The following DLC1 variants were observed in gnomAD, a reference collection of about 807,000 sequenced individuals.
The protein encoded by DLC1 is rho GTPase-activating protein 7.
In DLC1, 54 loss-of-function variants were observed where a neutral mutation model predicts 140.3. The ratio of observed to expected loss-of-function variants is 0.38; its 90% CI spans 0.31 to 0.48. The LOEUF (loss-of-function observed/expected upper bound fraction) is 0.48. Among genes scored for constraint, DLC1 ranks in the 20% least tolerant of loss-of-function variants. The pLI is 0.96. For synonymous variants in DLC1, 986 were observed against 728.1 expected, an observed-to-expected ratio of 1.35 and a Z score of -5.70; for missense variants, 2,536 against 1,907.0, an observed-to-expected ratio of 1.33 and a Z score of -6.14.
chr8:13,534,221 A>C (rs1803193113), intron 1 of DLC1, among the ~76,000 whole-genome samples: 1 of 152,160 alleles, frequency 6.6e-6, no homozygotes, highest in Non-Finnish European at 1.5e-5. Flanking sequence ...TTTCTTGAAC[A>C]ACCCAGTTCA....
At chr8:13,193,122 G>T (rs1489032831) in intron 5 of DLC1, among the ~76,000 whole-genome samples, 1 of 152,084 alleles carries the variant, frequency 6.6e-6, no homozygotes, top group Admixed American at 6.5e-5. Context: ...TCCTTATGGA[G>T]AGACCTCTCA....
At chr8:13,313,766 C>T (rs1303862612) in intron 4 of DLC1, among the ~76,000 whole-genome samples, 1 of 152,080 alleles carries the variant, frequency 6.6e-6, no homozygotes, top group Non-Finnish European at 1.5e-5. Flanking sequence ...AAATTATTTT[C>T]TGTGAGATTT....
At chr8:13,345,546 A>ATTTTTTTTTTTT (rs1490773993) in intron 4 of DLC1, among the ~76,000 whole-genome samples, 1 of 44,656 alleles carries the variant, frequency 2.2e-5, no homozygotes, top group African/African-American at 9.5e-5. Context: ...TTTCACTCAC[A>ATTTTTTTTTTTT]CTTTTTTTTT....
At chr8:13,135,068 G>A (rs1260797010) in intron 5 of DLC1, among the ~76,000 whole-genome samples, 1 of 152,132 alleles carries the variant, frequency 6.6e-6, no homozygotes, top group East Asian at 1.9e-4. Flanking sequence ...AGCCGGAGGA[G>A]CTGCCCAAGA....
At chr8:13,205,019 G>C (rs1324499389) in intron 5 of DLC1, among the ~76,000 whole-genome samples, 3 of 151,902 alleles carry the variant, frequency 2.0e-5, no homozygotes, top group Non-Finnish European at 4.4e-5. Flanking sequence ...GGCCAGTCTT[G>C]CAACATGGCA....
At chr8:13,356,034 G>A (rs1262591137) in intron 4 of DLC1, among the ~76,000 whole-genome samples, 1 of 140,242 alleles carries the variant, frequency 7.1e-6, no homozygotes, top group Non-Finnish European at 1.5e-5. Context: ...AGGTTGCAGT[G>A]AGCCGGGATC....
At chr8:13,457,554 G>A (rs1443444992) in intron 2 of DLC1, among the ~76,000 whole-genome samples, 1 of 151,728 alleles carries the variant, frequency 6.6e-6, no homozygotes, top group Non-Finnish European at 1.5e-5. Flanking sequence ...ATGTGTGCCT[G>A]TAGCCCGAGC....
At chr8:13,199,625 T>A (rs1238265337) in intron 5 of DLC1, among the ~76,000 whole-genome samples, 1 of 152,214 alleles carries the variant, frequency 6.6e-6, no homozygotes, top group African/African-American at 2.4e-5. Flanking sequence ...ATATTAAAAA[T>A]TCTTATATAA....
At chr8:13,518,968 T>C (rs1719101398), upstream of DLC1, among the ~76,000 whole-genome samples, 1 of 152,110 alleles carries the variant, frequency 6.6e-6, no homozygotes, top group African/African-American at 2.4e-5. Flanking sequence ...TTTTTAAAAA[T>C]ATATTATCAA....
At chr8:13,164,811 A>C (rs78987939) in intron 5 of DLC1, among the ~76,000 whole-genome samples, 3,187 of 152,298 alleles carry the variant, frequency 0.021, 112 homozygotes, top group African/African-American at 0.073. Context: ...ATTGTTTGTC[A>C]GCTCTGGCAA....
chr8:13,552,384 G>A (rs539478003), intron 1 of DLC1, among the ~76,000 whole-genome samples: 144 of 150,060 alleles, frequency 9.6e-4, no homozygotes, highest in Non-Finnish European at 1.7e-3. Flanking sequence ...AATTATTTAT[G>A]GACAAAGTTT....
chr8:13,567,163 G>A (rs1804468404), intron 1 of DLC1: 2 of 1,551,662 alleles, frequency 1.3e-6, no homozygotes, highest in East Asian at 4.9e-5. Flanking sequence ...ACTGGAGAGG[G>A]AAAAGCAGAC....
intron 2 of DLC1, among the ~76,000 whole-genome samples, chr8:13,448,372 T>TTC (rs1563355403): frequency 1.0e-5 from 1 of 98,236 alleles, no homozygotes; most frequent in Non-Finnish European, 2.4e-5. Context: ...TCTTCTTCTT[T>TTC]TTTTTTTTTG....
At chr8:13,539,892 T>G (rs796169233) in intron 1 of DLC1, among the ~76,000 whole-genome samples, 1 of 148,850 alleles carries the variant, frequency 6.7e-6, no homozygotes, top group Non-Finnish European at 1.5e-5. Context: ...GATTCAATTA[T>G]TTTACTTTTC....
chr8:13,353,044 A>G (rs966995543), intron 4 of DLC1, among the ~76,000 whole-genome samples: 1 of 152,140 alleles, frequency 6.6e-6, no homozygotes, highest in Non-Finnish European at 1.5e-5. Context: ...TACCATATAT[A>G]TATAGTCCCA....
chr8:13,098,617 T>C, intron 9 of DLC1, 42 bp from the exon 10 acceptor site: 2 of 1,558,816 alleles, frequency 1.3e-6, no homozygotes, highest in Non-Finnish European at 1.7e-6. Context: ...GAAGCCTTTT[T>C]ATTTGATTTT....
rs191303479 is a variant in DLC1, at chr8:13,569,532, T to G, written c.-126+35005A>C. 5.3e-3 allele frequency among the ~76,000 whole-genome samples: 803 copies of G among 152,286 alleles called. 10 individuals are homozygous for G. The highest frequency in any genetic ancestry group is 7.1e-3 in the Non-Finnish European group (486 of 68,018). ...TTTACATAATCAAAATTCTGAATAA[T>G]TTTCCCTTTAGAATTCCCCCATTAA... On this transcript the variant is annotated intron_variant, in intron 1 of 1. Transcript: ENST00000631382.
chr8:13,566,846 A>G, intron 1 of DLC1: 1 of 1,102,234 alleles, frequency 9.1e-7, no homozygotes, highest in Non-Finnish European at 1.2e-6. Flanking sequence ...CGTTGCCAAG[A>G]CAGCTGGGAA....
At chr8:13,522,711 G>T (rs1389308276) in intron 1 of DLC1, among the ~76,000 whole-genome samples, 1 of 151,996 alleles carries the variant, frequency 6.6e-6, no homozygotes, top group African/African-American at 2.4e-5. Flanking sequence ...ATGGACAATT[G>T]CTAGTGAAAA....
Sources: gnomAD v4.1 joint callset for allele counts (sites outside exome capture counted in the v4.1 genomes callset) on GRCh38, gnomAD v4.1.1 for gene constraint, MANE v1.5 for transcripts, NCBI Gene and HGNC (gene_info 2026-07-23, HGNC 2026-07-21) for gene names.